The following KLF12 variants were observed in gnomAD, a reference collection of about 807,000 sequenced individuals.
KLF12 encodes the protein Krueppel-like factor 12.
In KLF12, 9 loss-of-function variants were observed where a neutral mutation model predicts 37.8. The observed-to-expected ratio is 0.24, with a 90% CI of 0.14 to 0.42. KLF12 has a LOEUF of 0.42. Among genes scored for constraint, KLF12 ranks in the 10% least tolerant of loss-of-function variants. The pLI is 1.00. For missense variants in KLF12, 411 were observed against 516.0 expected (o/e 0.80, Z 1.97); for synonymous variants, 208 against 202.1 (o/e 1.03, Z -0.25).
chr13:73,713,899 G>A (rs999417388), intron 7 of KLF12, among the ~76,000 whole-genome samples: 3 of 152,144 alleles, frequency 2.0e-5, no homozygotes, highest in African/African-American at 7.2e-5. Context: ...ATGATTCATT[G>A]TAGAAAGTCA....
intron 6 of KLF12, among the ~76,000 whole-genome samples, chr13:73,731,254 G>A (rs1314021669): frequency 6.6e-6 from 1 of 152,096 alleles, no homozygotes; most frequent in African/African-American, 2.4e-5. Context: ...CCAACTTGGA[G>A]TCCACAGGAA....
At chr13:74,294,243 T>C in the KLF12 span, among the ~76,000 whole-genome samples, 1 of 152,152 alleles carries the variant, frequency 6.6e-6, no homozygotes, top group Non-Finnish European at 1.5e-5. Flanking sequence ...GCACCGATTG[T>C]GTAGTAGGGA....
rs747994217 is a variant in KLF12 at position 73,846,217 on chromosome 13, T to G, written c.280A>C (p.Thr94Pro). The change falls in exon 4 of 8, where the codon ACT (threonine) becomes CCT (proline). Residue 94 changes from threonine (T) to proline (P), a missense_variant. This residue lies in a region of KLF12 where 351 missense variants were observed against 397.8 expected (regional missense o/e 0.88). Transcript: ENST00000377669. ...GAAACTGGGGAGGATGAAACGGCAG[T>G]AGGGGACGTCCTGGCTTTGTTTATT... 20 of 1,614,102 alleles carry G rather than the reference T, an allele frequency of 1.2e-5. No homozygotes were observed. Among genetic ancestry groups the G allele is most frequent in the Non-Finnish European group, 1.5e-5 (18 of 1,180,002 alleles).
the KLF12 span, among the ~76,000 whole-genome samples, chr13:74,218,783 G>A: frequency 6.6e-6 from 1 of 152,088 alleles, no homozygotes; most frequent in Non-Finnish European, 1.5e-5. Flanking sequence ...TTATGGTAAA[G>A]TCTCAATAAA....
chr13:73,712,830 A>C (rs1329267612), intron 7 of KLF12, among the ~76,000 whole-genome samples: 1 of 152,266 alleles, frequency 6.6e-6, no homozygotes, highest in African/African-American at 2.4e-5. Flanking sequence ...ACTTGTGAGC[A>C]ATGAAGTGCT....
At chr13:73,970,896 A>C (rs1434081781) in intron 2 of KLF12, among the ~76,000 whole-genome samples, 1 of 152,188 alleles carries the variant, frequency 6.6e-6, no homozygotes, top group Admixed American at 6.6e-5. Flanking sequence ...GGTTAAATCA[A>C]GGGCTCAAAG....
At chr13:74,200,904 G>T in the KLF12 span, among the ~76,000 whole-genome samples, 1 of 151,962 alleles carries the variant, frequency 6.6e-6, no homozygotes, top group South Asian at 2.1e-4. Flanking sequence ...GTTCCCTTTT[G>T]GTTCTGGAGC....
chr13:74,143,948 A>G, the KLF12 span, among the ~76,000 whole-genome samples: 1 of 152,306 alleles, frequency 6.6e-6, no homozygotes, highest in African/African-American at 2.4e-5. Context: ...TTCAATTTAC[A>G]GTTGGTTTAC....
chr13:74,100,547 G>C (rs1469948895), intron 1 of KLF12, among the ~76,000 whole-genome samples: 2 of 152,132 alleles, frequency 1.3e-5, no homozygotes, highest in Non-Finnish European at 2.9e-5. Context: ...GAACCCAGGA[G>C]ACAGAGTTGC....
chr13:73,871,484 G>A (rs1039359594), intron 3 of KLF12, among the ~76,000 whole-genome samples: 2 of 152,100 alleles, frequency 1.3e-5, no homozygotes, highest in East Asian at 3.8e-4. Flanking sequence ...TAAACTGAGC[G>A]GGGAGAAAAT....
the KLF12 span, among the ~76,000 whole-genome samples, chr13:74,220,104 T>C: frequency 6.6e-6 from 1 of 152,220 alleles, no homozygotes; most frequent in Non-Finnish European, 1.5e-5. Flanking sequence ...TTCCTACTTT[T>C]TGCCTTTTTG....
At chr13:73,896,351 G>A (rs989340944) in intron 3 of KLF12, among the ~76,000 whole-genome samples, 1 of 152,150 alleles carries the variant, frequency 6.6e-6, no homozygotes, top group Non-Finnish European at 1.5e-5. Flanking sequence ...AAATTAAACT[G>A]TCACACTGAG....
chr13:73,789,769 C>G (rs527930429), intron 5 of KLF12, among the ~76,000 whole-genome samples: 1 of 151,934 alleles, frequency 6.6e-6, no homozygotes, highest in Non-Finnish European at 1.5e-5. Context: ...CTCCGCCTCC[C>G]GGGTTCACGC....
At chr13:74,027,686 C>T (rs1469365051) in intron 1 of KLF12, among the ~76,000 whole-genome samples, 1 of 152,104 alleles carries the variant, frequency 6.6e-6, no homozygotes, top group African/African-American at 2.4e-5. Context: ...GTAGATGGCA[C>T]ATTAAGAAAT....
the KLF12 span, among the ~76,000 whole-genome samples, chr13:74,283,911 G>A: frequency 6.7e-4 from 100 of 149,706 alleles, 1 homozygote; most frequent in African/African-American, 2.2e-3. Flanking sequence ...CCAGGCTGGA[G>A]TGCAGTGACA....
chr13:73,689,164 C>G lies in KLF12; in HGVS notation c.*6326G>C, dbSNP rs1204935420. On this transcript the variant is annotated 3_prime_UTR_variant, in exon 8 of 8. Coordinates refer to ENST00000377669, the MANE Select transcript of KLF12 (RefSeq NM_007249.5). ...CATGGTAAGAAGCCCAGTCAGAAGA[C>G]TTGACTTCAGTGAGATTAAGGAACC... The G allele has an allele frequency of 6.6e-6, 1 of 152,068 alleles. No homozygotes were observed. The highest frequency in any genetic ancestry group is 6.6e-5 in the Admixed American group (1 of 15,258). The allele number at this position is 152,068 out of a possible 1,614,324, so 9.4% of individuals were successfully genotyped here.
the KLF12 span, among the ~76,000 whole-genome samples, chr13:74,152,925 AT>A: frequency 6.0e-5 from 8 of 132,752 alleles, no homozygotes; most frequent in South Asian, 2.5e-4. Context: ...AATAATAATA[AT>A]AATAAAAACA....
At chr13:74,035,145 A>C (rs1893215280) in intron 1 of KLF12, among the ~76,000 whole-genome samples, 1 of 152,200 alleles carries the variant, frequency 6.6e-6, no homozygotes, top group Non-Finnish European at 1.5e-5. Context: ...ACAAATCAAA[A>C]TCCAAAGATG....
intron 6 of KLF12, among the ~76,000 whole-genome samples, chr13:73,751,768 A>G (rs1878770799): frequency 6.6e-6 from 1 of 152,138 alleles, no homozygotes; most frequent in Non-Finnish European, 1.5e-5. Context: ...GCCCTCATAT[A>G]TTAAGACGTA....
Sources: allele counts gnomAD v4.1 joint callset (sites outside exome capture counted in the v4.1 genomes callset), GRCh38; gene constraint gnomAD v4.1.1; regional missense constraint gnomAD v4.1.1; transcripts MANE v1.5; gene names NCBI Gene and HGNC (gene_info 2026-07-23, HGNC 2026-07-21).